The following MEG3 variants were observed in gnomAD, a reference collection of about 807,000 sequenced individuals.
MEG3 encodes maternally expressed 3.
At chr14:100,844,970 C>T (rs897681725) in intron 2 of MEG3, among the ~76,000 whole-genome samples, 1 of 152,138 alleles carries the variant, frequency 6.6e-6, no homozygotes, top group African/African-American at 2.4e-5. Context: ...AACGTGTGTG[C>T]CATGGTTTTG....
At chr14:100,842,131 T>A (rs1222921747) in intron 2 of MEG3, among the ~76,000 whole-genome samples, 1 of 152,230 alleles carries the variant, frequency 6.6e-6, no homozygotes, top group African/African-American at 2.4e-5. Context: ...ATTACCGTGG[T>A]GGGCTGCAGC....
Position 100,845,393 on chromosome 14 carries a change from G to A in MEG3, n.3046-65G>A, listed in dbSNP as rs2037888066. The A allele has an allele frequency of 7.7e-6, 3 of 392,128 alleles. No individual in the cohort carries two copies. Among genetic ancestry groups the A allele is most frequent in the Non-Finnish European group, 1.0e-5 (2 of 198,704 alleles). 24.3% of individuals were successfully genotyped at this position (392,128 alleles called of 1,614,324 possible). On this transcript the variant is annotated intron_variant and non_coding_transcript_variant, in intron 2 of 3. Coordinates refer to the MEG3 transcript ENST00000398461. This position sits in a 1 kb window ranked among gnomAD's most constrained non-coding sequence, Gnocchi z 5.2. ...CCCCCCAGAGCTGTTGTCCTCATCC[G>A]CCCTCCTCCTCCTCGCCGGCCTGAG...
chr14:100,848,318 G>A (rs904257325), intron 3 of MEG3: 1 of 152,176 alleles, frequency 6.6e-6, no homozygotes, highest in African/African-American at 2.4e-5. Context: ...TGGGAGGGAG[G>A]AGTGGGGCCA....
chr14:100,852,848 TCGAA>T (rs1322993405), upstream of MEG3: 1 of 175,836 alleles, frequency 5.7e-6, no homozygotes, highest in Non-Finnish European at 1.2e-5. Context: ...TCACAGTGGG[TCGAA>T]CTGAGCCAAT....
At position 100,845,646 on chromosome 14, in the gene MEG3, C is replaced by T. The variant is rs1013246605; in HGVS notation, n.3121+113C>T. The T allele has an allele frequency of 4.5e-5, 17 of 375,632 alleles. No homozygotes were observed. Among genetic ancestry groups the T allele is most frequent in the Non-Finnish European group, 6.9e-5 (13 of 187,318 alleles). 23.3% of individuals were successfully genotyped at this position (375,632 alleles called of 1,614,324 possible). On this transcript the variant is annotated intron_variant and non_coding_transcript_variant, in intron 3 of 3. Transcript: ENST00000398461. This position sits in a 1 kb window ranked among gnomAD's most constrained non-coding sequence, Gnocchi z 5.2. ...CGTGGAGGGGCTGGCGGGCACTGGC[C>T]GGGGGTCTGTGCACCGGGAGGTGGG...
chr14:100,834,772 G>C (rs544543699), exon 1 of MEG3: 12 of 456,518 alleles, frequency 2.6e-5, no homozygotes, highest in South Asian at 1.2e-4. Context: ...GAAAGGACTC[G>C]ACCACCACAG....
At chr14:100,853,687 T>A (rs531626820), upstream of MEG3, 1 of 152,298 alleles carries the variant, frequency 6.6e-6, no homozygotes, top group East Asian at 1.9e-4. Context: ...CCTTGTTGAG[T>A]GGCTATGGCA....
At chr14:100,841,169 C>G (rs1159919016) in intron 2 of MEG3, among the ~76,000 whole-genome samples, 4 of 152,222 alleles carry the variant, frequency 2.6e-5, no homozygotes, top group Non-Finnish European at 4.4e-5. Context: ...TCCAGAGGCA[C>G]CAGGGACAAA....
upstream of MEG3, chr14:100,856,329 C>T (rs2038240144): frequency 1.3e-5 from 2 of 152,646 alleles, no homozygotes; most frequent in Admixed American, 6.5e-5. Flanking sequence ...CTTGGGGGTT[C>T]AACCTGGAAT....
At chr14:100,846,816 AG>A (rs944969302) in intron 3 of MEG3, 3 of 152,200 alleles carry the variant, frequency 2.0e-5, no homozygotes, top group African/African-American at 7.2e-5. Flanking sequence ...TTATGGACTA[AG>A]GGGTATGTGT....
At chr14:100,852,338 C>T (rs577462004), upstream of MEG3, 51 of 532,392 alleles carry the variant, frequency 9.6e-5, no homozygotes, top group South Asian at 4.8e-4. Flanking sequence ...TAGCTCCGGC[C>T]GAGTGGATGG....
At chr14:100,826,984 G>A (rs2037252124) in intron 1 of MEG3, among the ~76,000 whole-genome samples, 2 of 151,940 alleles carry the variant, frequency 1.3e-5, no homozygotes, top group Admixed American at 6.6e-5. Context: ...GGGTGGGTTG[G>A]GGAGGAGAGA....
chr14:100,832,886 C>A (rs542936690), downstream of MEG3: 1 of 152,368 alleles, frequency 6.6e-6, no homozygotes, highest in Admixed American at 6.5e-5. Context: ...AGCATTCATT[C>A]CCTTTCTTCA....
intron 2 of MEG3, among the ~76,000 whole-genome samples, chr14:100,841,199 G>C (rs1042159688): frequency 5.3e-5 from 8 of 152,198 alleles, no homozygotes; most frequent in East Asian, 1.9e-4. Flanking sequence ...GTGACAGGAG[G>C]GGGGCACAGG....
chr14:100,855,501 G>A (rs2038212538), upstream of MEG3: 2 of 152,184 alleles, frequency 1.3e-5, no homozygotes. Flanking sequence ...AGTAGCCTGG[G>A]GCCAAGCCCT....
At chr14:100,859,553 G>T (rs1256327444) in exon 1 of MEG3, 2 of 152,264 alleles carry the variant, frequency 1.3e-5, no homozygotes, top group African/African-American at 4.8e-5. Flanking sequence ...GGAGGAGGCT[G>T]TTCTACCTGA....
At chr14:100,841,930 G>A (rs924137758) in intron 2 of MEG3, among the ~76,000 whole-genome samples, 1 of 152,198 alleles carries the variant, frequency 6.6e-6, no homozygotes, top group Non-Finnish European at 1.5e-5. Context: ...CTGTTGGCAC[G>A]GTGGCCCAGT....
chr14:100,839,668 G>A (rs1481080526), intron 2 of MEG3, among the ~76,000 whole-genome samples: 1 of 152,220 alleles, frequency 6.6e-6, no homozygotes, highest in Non-Finnish European at 1.5e-5. Flanking sequence ...GCCAGGAAAG[G>A]TGGGAGTGTG....
At chr14:100,859,300 C>T (rs935172325) in exon 1 of MEG3, 1 of 152,246 alleles carries the variant, frequency 6.6e-6, no homozygotes, top group Non-Finnish European at 1.5e-5. Flanking sequence ...TGGGGCCTCA[C>T]TGCCCTTCCT....
Sources: gnomAD v4.1 joint callset for allele counts (sites outside exome capture counted in the v4.1 genomes callset) on GRCh38, gnomAD v4.1.1 for gene constraint, Gnocchi (gnomAD v3.1) non-coding constraint, MANE v1.5 for transcripts, NCBI Gene and HGNC (gene_info 2026-07-23, HGNC 2026-07-21) for gene names.